Variants in C1orf21 observed in about 807,000 individuals in gnomAD.
The protein encoded by C1orf21 is uncharacterized protein C1orf21.
Under a neutral mutation model 18.7 loss-of-function variants are expected in C1orf21, and 3 were observed. The ratio of observed to expected loss-of-function variants is 0.16; its 90% CI spans 0.07 to 0.42. The LOEUF is 0.42. C1orf21 is among the 10% of genes least tolerant of loss of function. C1orf21 has a pLI of 0.99. For missense variants in C1orf21, 104 were observed against 143.6 expected (o/e 0.72, Z 1.41); for synonymous variants, 41 against 46.4 (o/e 0.88, Z 0.47).
At chr1:184,578,308 A>G (rs1357397375) in intron 3 of C1orf21, among the ~76,000 whole-genome samples, 1 of 152,186 alleles carries the variant, frequency 6.6e-6, no homozygotes, top group Non-Finnish European at 1.5e-5. Flanking sequence ...AGGCATAGTT[A>G]ATAGCTGAAT....
intron 3 of C1orf21, among the ~76,000 whole-genome samples, chr1:184,529,557 G>T (rs2101972450): frequency 6.6e-6 from 1 of 152,318 alleles, no homozygotes; most frequent in East Asian, 1.9e-4. Context: ...ATGCACCCAT[G>T]TGTATCAGAC....
chr1:184,560,378 AC>A (rs371767941), intron 3 of C1orf21, among the ~76,000 whole-genome samples: 92 of 152,160 alleles, frequency 6.0e-4, no homozygotes, highest in African/African-American at 2.1e-3. Flanking sequence ...GAGATTGAAA[AC>A]CTTTTACAAT....
At chr1:184,451,803 C>T (rs1386175772) in intron 1 of C1orf21, among the ~76,000 whole-genome samples, 1 of 152,148 alleles carries the variant, frequency 6.6e-6, no homozygotes, top group Admixed American at 6.5e-5. Flanking sequence ...CTCTTGTGCT[C>T]CAAGTTCACG....
chr1:184,526,828 A>C (rs1449053644), intron 3 of C1orf21, among the ~76,000 whole-genome samples: 2 of 152,106 alleles, frequency 1.3e-5, no homozygotes, highest in Admixed American at 1.3e-4. Flanking sequence ...TCACTCCCTC[A>C]ACAAGTATTT....
At chr1:184,426,050 G>A (rs1332721649) in intron 1 of C1orf21, among the ~76,000 whole-genome samples, 2 of 152,206 alleles carry the variant, frequency 1.3e-5, no homozygotes, top group East Asian at 3.9e-4. Context: ...TTCCCTTCTG[G>A]CATCATCCCG....
At chr1:184,429,169 T>A (rs1011856106) in intron 1 of C1orf21, among the ~76,000 whole-genome samples, 1 of 152,202 alleles carries the variant, frequency 6.6e-6, no homozygotes, top group Non-Finnish European at 1.5e-5. Flanking sequence ...GAGGAGGGCA[T>A]AGTCCATTTC....
At chr1:184,577,217 G>A (rs1324709943) in intron 3 of C1orf21, among the ~76,000 whole-genome samples, 2 of 151,040 alleles carry the variant, frequency 1.3e-5, no homozygotes, top group African/African-American at 4.9e-5. Flanking sequence ...CAAGAGGGAA[G>A]CAAGAGAATC....
chr1:184,503,595 A>G (rs1658009229), intron 2 of C1orf21, among the ~76,000 whole-genome samples: 1 of 152,116 alleles, frequency 6.6e-6, no homozygotes, highest in African/African-American at 2.4e-5. Context: ...AGATGAGGAC[A>G]GTGTAGAAGT....
chr1:184,458,344 CTTCTT>C (rs1175781525), intron 1 of C1orf21, among the ~76,000 whole-genome samples: 1 of 152,146 alleles, frequency 6.6e-6, no homozygotes, highest in Non-Finnish European at 1.5e-5. Flanking sequence ...GCAGTATTTG[CTTCTT>C]TTGAGTCCAA....
intron 3 of C1orf21, chr1:184,567,646 A>G (rs1659053034): frequency 4.9e-6 from 2 of 409,162 alleles, no homozygotes; most frequent in African/African-American, 2.1e-5. Flanking sequence ...TGCAGCCTAC[A>G]ATGGCATCAC....
Position 184,387,959 on chromosome 1 carries a change from A to G in C1orf21, c.-125+591A>G, listed in dbSNP as rs959054494. Among the ~76,000 whole-genome samples the G allele has an allele frequency of 3.9e-5, 6 of 152,014 alleles. No homozygotes were observed. The highest frequency in any genetic ancestry group is 3.4e-3 in the Middle Eastern group (1 of 294). On this transcript the variant is annotated intron_variant, in intron 1 of 5. Coordinates refer to ENST00000235307, the MANE Select transcript of C1orf21 (RefSeq NM_030806.4). This position sits in a 1 kb window ranked among gnomAD's most constrained non-coding sequence, Gnocchi z 5.6. ...TGCATCTGTTTGCCCACCTCGGTGT[A>G]TTTATTATTCGTGCCCATGCGAGGC...
chr1:184,462,754 G>A (rs1276258716), intron 1 of C1orf21, among the ~76,000 whole-genome samples: 1 of 152,106 alleles, frequency 6.6e-6, no homozygotes, highest in Admixed American at 6.6e-5. Flanking sequence ...AAAAGAGATT[G>A]ATTCCCCCTT....
Position 184,474,108 on chromosome 1 carries a change from T to C in C1orf21, c.-124-3278T>C, listed in dbSNP as rs751834259. Reference sequence around the variant, plus strand: ...TGCCCCTCAAATGACTTCATAATTATCACCTTCAAATGAGTAAATTACTAA... The same window carrying C: ...TGCCCCTCAAATGACTTCATAATTACCACCTTCAAATGAGTAAATTACTAA... On this transcript the variant is annotated intron_variant, in intron 1 of 5. Coordinates refer to ENST00000235307, the MANE Select transcript of C1orf21 (RefSeq NM_030806.4). Among the ~76,000 whole-genome samples the C allele has an allele frequency of 6.6e-5, 10 of 152,218 alleles. 1 individual carries two copies. Among genetic ancestry groups the C allele is most frequent in the Non-Finnish European group, 1.3e-4 (9 of 68,034 alleles).
chr1:184,450,649 T>C (rs957526245), intron 1 of C1orf21, among the ~76,000 whole-genome samples: 2 of 152,134 alleles, frequency 1.3e-5, no homozygotes, highest in Admixed American at 1.3e-4. Flanking sequence ...TATAGCCAAA[T>C]TGCCTCTTTT....
In C1orf21 at chr1:184,409,718, TC is replaced by T. The variant is rs1434121471; in HGVS notation, c.-125+22351del. 2.7e-5 allele frequency among the ~76,000 whole-genome samples: 4 copies of T among 150,240 alleles called. No individual in the cohort carries two copies. The East Asian group carries it at 9.3e-4, about 35-fold the overall frequency. ...ACGCACCAAATAGAATTAAATGTTA[TC>T]ATGACTCCAGGGGCTCTGGGTATTG... On this transcript the variant is annotated intron_variant, in intron 1 of 5. Coordinates refer to ENST00000235307, the MANE Select transcript of C1orf21 (RefSeq NM_030806.4).
chr1:184,589,989 G>A (rs1296424134), intron 3 of C1orf21, among the ~76,000 whole-genome samples: 1 of 152,172 alleles, frequency 6.6e-6, no homozygotes, highest in Non-Finnish European at 1.5e-5. Context: ...CATAGGTTCA[G>A]AGTGGTCTTT....
intron 1 of C1orf21, among the ~76,000 whole-genome samples, chr1:184,475,649 C>G (rs1657559468): frequency 6.6e-6 from 1 of 151,920 alleles, no homozygotes; most frequent in African/African-American, 2.4e-5. Context: ...TCCATAAGGC[C>G]CCTGAGCTCT....
chr1:184,485,468 T>C (rs561051572), intron 2 of C1orf21, among the ~76,000 whole-genome samples: 1 of 152,324 alleles, frequency 6.6e-6, no homozygotes, highest in African/African-American at 2.4e-5. Flanking sequence ...AGTGCTGATT[T>C]ATGTGACTGA....
intron 3 of C1orf21, among the ~76,000 whole-genome samples, chr1:184,528,158 A>G (rs890232363): frequency 1.3e-5 from 2 of 152,238 alleles, no homozygotes; most frequent in African/African-American, 4.8e-5. Context: ...CAGATGAGTA[A>G]GCAGAATTCA....
Sources: gnomAD v4.1 joint callset for allele counts (sites outside exome capture counted in the v4.1 genomes callset) on GRCh38, gnomAD v4.1.1 for gene constraint, Gnocchi (gnomAD v3.1) non-coding constraint, MANE v1.5 for transcripts, NCBI Gene and HGNC (gene_info 2026-07-23, HGNC 2026-07-21) for gene names.